Variants in RHPN1 observed in about 807,000 individuals in gnomAD.
The protein encoded by RHPN1 is rhophilin Rho GTPase binding protein 1, also known as rhophilin-1.
Under a neutral mutation model 74.7 loss-of-function variants are expected in RHPN1, and 77 were observed. That is an observed-to-expected ratio of 1.03 (90% CI 0.86 to 1.25). The LOEUF is 1.25. Among genes scored for constraint, RHPN1 ranks in the 50% most tolerant of loss-of-function variants. The pLI is 0.00. For synonymous variants in RHPN1, 444 were observed against 414.5 expected, an observed-to-expected ratio of 1.07 and a Z score of -0.87; for missense variants, 987 against 932.2, an observed-to-expected ratio of 1.06 and a Z score of -0.77.
upstream of RHPN1, chr8:143,368,525 G>A (rs574312752): frequency 1.4e-3 from 213 of 152,824 alleles, no homozygotes; most frequent in Non-Finnish European, 2.5e-3. Context: ...GGCGCGCCGA[G>A]TCCAGGTCCG....
chr8:143,377,689 A>G (rs952483269), intron 4 of RHPN1, among the ~76,000 whole-genome samples: 2 of 152,096 alleles, frequency 1.3e-5, no homozygotes, highest in African/African-American at 4.8e-5. Context: ...GATCCCATAG[A>G]GTGGGTGTGA....
rs772366178 is a variant in RHPN1 at position 143,379,838 on chromosome 8, G to A, written c.955G>A (p.Glu319Lys). 2.7e-5 allele frequency: 43 copies of A among 1,608,798 alleles called. 1 individual carries two copies. Among genetic ancestry groups the A allele is most frequent in the East Asian group, 6.7e-5 (3 of 44,816 alleles). Residue 319 changes from glutamate to lysine, a missense_variant, in exon 9 of 15, where the codon GAG becomes AAG. Glu to Lys is a moderately conservative substitution (Grantham distance 56). Coordinates refer to ENST00000289013, the MANE Select transcript of RHPN1 (RefSeq NM_052924.3). ...LAQEAAQVAA[E>K]YRLVHRTMAQ... ...CCACATCCACCGGCAGGTGGCAGCC[G>A]AGTACAGGCTAGTGCACCGGACCAT...
At chr8:143,378,600 G>GC in intron 5 of RHPN1, 96 bp from the exon 6 acceptor site, 1 of 1,449,832 alleles carries the variant, frequency 6.9e-7, no homozygotes. Context: ...TTGCCTCCCC[G>GC]CCCCCCATGG....
At chr8:143,380,816 T>C in intron 11 of RHPN1, 33 bp downstream of exon 11, 1 of 1,488,506 alleles carries the variant, frequency 6.7e-7, no homozygotes, top group Non-Finnish European at 9.0e-7. Context: ...GGTGGCTGCA[T>C]CCCTGGCCAG....
At chr8:143,372,088 G>A (rs371379044) in intron 1 of RHPN1, among the ~76,000 whole-genome samples, 1 of 152,284 alleles carries the variant, frequency 6.6e-6, no homozygotes, top group East Asian at 1.9e-4. Flanking sequence ...GGGCTCCAAG[G>A]GGCCAGGCTC....
At chr8:143,376,266 T>C (rs1238286992) in intron 2 of RHPN1, among the ~76,000 whole-genome samples, 3 of 152,204 alleles carry the variant, frequency 2.0e-5, no homozygotes, top group Non-Finnish European at 4.4e-5. Flanking sequence ...GCCGTGGTGC[T>C]GAGGGAGGTG....
chr8:143,375,960 T>G (rs1369163671), intron 2 of RHPN1, among the ~76,000 whole-genome samples: 1 of 152,210 alleles, frequency 6.6e-6, no homozygotes, highest in Non-Finnish European at 1.5e-5. Flanking sequence ...GAGGCATGGT[T>G]GAGGCTGAGC....
Position 143,375,657 on chromosome 8 carries a change from G to C in RHPN1, c.165G>C (p.Glu55Asp). ...DKELQMRTGA[E>D]NLYRATSNNR... ...AGCTGCAGATGCGGACGGGCGCTGAGAACCTCTACAGGTCAGTGCTTGAGA... is the reference window on the plus strand; with the variant it reads ...AGCTGCAGATGCGGACGGGCGCTGACAACCTCTACAGGTCAGTGCTTGAGA... Residue 55 changes from glutamate (E) to aspartate (D), a missense_variant, in exon 2 of 15, where the codon GAG becomes GAC. Glu to Asp is a conservative substitution (Grantham distance 45). Transcript: ENST00000289013. The C allele has an allele frequency of 6.2e-7, 1 of 1,607,978 alleles. No individual in the cohort carries two copies. Among genetic ancestry groups the C allele is most frequent in the Non-Finnish European group, 8.5e-7 (1 of 1,177,866 alleles).
rs760945918 is a variant in RHPN1, at chr8:143,381,984, C to T, written c.1797+16C>T. 7.1e-6 allele frequency: 11 copies of T among 1,559,396 alleles called. No homozygotes were observed. The South Asian group carries it at 8.4e-5, about 12-fold the overall frequency. ...GCCCAGCTTGGTGAGCCCCTGGGGC[C>T]CCAGAGGGGCGGTCCCCAGCTTGCT... is the stretch of plus-strand genomic sequence containing the variant. On this transcript the variant is annotated intron_variant, in intron 14 of 14. Coordinates refer to ENST00000289013, the MANE Select transcript of RHPN1 (RefSeq NM_052924.3).
Position 143,379,962 on chromosome 8 carries a change from C to G in RHPN1, c.1079C>G (p.Ala360Gly), listed in dbSNP as rs766683293. The G allele has an allele frequency of 3.6e-5, 57 of 1,572,782 alleles. No individual in the cohort carries two copies. In the African/African-American group the frequency reaches 6.9e-4, roughly 19 times the overall value. The change falls in exon 9 of 15, where the codon GCC (alanine) becomes GGC (glycine). Residue 360 changes from alanine (A) to glycine (G), a missense_variant. Ala to Gly is a moderately conservative substitution (Grantham distance 60, BLOSUM62 0). Coordinates refer to ENST00000289013, the MANE Select transcript of RHPN1 (RefSeq NM_052924.3). ...YFRSLAHYHV[A>G]MALCDGSPAT... ...CGCTCCCTGGCCCACTACCACGTAG[C>G]CATGGCCCTCTGCGACGGCTCCCGT...
At position 143,380,112 on chromosome 8, in the gene RHPN1, C is replaced by T. The variant is rs1353475182; in HGVS notation, c.1153C>T (p.Pro385Ser). The T allele has an allele frequency of 3.2e-6, 5 of 1,552,492 alleles. 1 individual carries two copies. The highest frequency in any genetic ancestry group is 2.4e-5 in the South Asian group (2 of 84,132). Residue 385 changes from proline to serine, a missense_variant, in exon 10 of 15, where the codon CCC becomes TCC. Coordinates refer to ENST00000289013, the MANE Select transcript of RHPN1 (RefSeq NM_052924.3). ...PTHEQVFLQP[P>S]TSSKPRGPVL... is the part of the protein sequence containing the mutation. ...GCACGAGCAGGTCTTCCTGCAGCCC[C>T]CCACCTCCTCTAAGCCCCGAGGCCC...
rs1220679291 is a variant in RHPN1 at position 143,379,312 on chromosome 8, C to T, written c.752-3C>T. 2 of 1,581,774 alleles carry T rather than the reference C, an allele frequency of 1.3e-6. No homozygotes were observed. The highest frequency in any genetic ancestry group is 2.7e-5 in the African/African-American group (2 of 74,272). On this transcript the variant is annotated splice_region_variant and splice_polypyrimidine_tract_variant and intron_variant, in intron 7 of 14. Coordinates refer to ENST00000289013, the MANE Select transcript of RHPN1 (RefSeq NM_052924.3). Reference sequence around the variant, plus strand: ...GCCTGTGTGAGCACCCCTCCCTCCGCAGGGGCCTTCAGCCTCCTGAGGGAG... The same window carrying T: ...GCCTGTGTGAGCACCCCTCCCTCCGTAGGGGCCTTCAGCCTCCTGAGGGAG...
intron 12 of RHPN1, 106 bp downstream of exon 12, chr8:143,381,450 C>A: frequency 6.9e-7 from 1 of 1,454,594 alleles, no homozygotes; most frequent in Non-Finnish European, 9.3e-7. Context: ...TCCAGCCCTC[C>A]CCACCCACCT....
At chr8:143,374,125 C>G in intron 1 of RHPN1, 1 of 984,958 alleles carries the variant, frequency 1.0e-6, no homozygotes. Context: ...GCAAAAAGAA[C>G]TCTCTCCAGA....
chr8:143,373,201 T>C (rs111215971), intron 1 of RHPN1, among the ~76,000 whole-genome samples: 1 of 494 alleles, frequency 2.0e-3, no homozygotes. Flanking sequence ...TTCCAGGGGA[T>C]GGTGCGGGGG....
intron 1 of RHPN1, among the ~76,000 whole-genome samples, chr8:143,369,964 G>A (rs969443079): frequency 6.6e-6 from 1 of 152,244 alleles, no homozygotes; most frequent in African/African-American, 2.4e-5. Context: ...GCTGACCGTA[G>A]CCCTCAAGGA....
rs1818907723 is a variant in RHPN1, at chr8:143,383,987, T to A, written c.*1336T>A. ...CCTGCGCTGCCACCTCCCTCGTGCT[T>A]CAGCCAAGAAAATGGGGGTGCAAGT... On this transcript the variant is annotated 3_prime_UTR_variant, in exon 15 of 15. Transcript: ENST00000289013. The A allele has an allele frequency of 6.6e-6, 1 of 152,228 alleles. No individual in the cohort carries two copies. The highest frequency in any genetic ancestry group is 1.5e-5 in the Non-Finnish European group (1 of 68,126). 9.4% of individuals were successfully genotyped at this position (152,228 alleles called of 1,614,324 possible).
At chr8:143,375,486 C>A in intron 1 of RHPN1, 67 bp from the exon 2 acceptor site, 1 of 1,120,558 alleles carries the variant, frequency 8.9e-7, no homozygotes, top group Non-Finnish European at 1.3e-6. Flanking sequence ...CTCTCAGTGG[C>A]TGGCGAGGCG....
At chr8:143,378,578 GC>G (rs1190495430) in intron 5 of RHPN1, 117 bp from the exon 6 acceptor site, 1 of 1,353,694 alleles carries the variant, frequency 7.4e-7, no homozygotes, top group African/African-American at 1.4e-5. Context: ...GCTGCCCAGG[GC>G]CCCACTGGCT....
Sources: gnomAD v4.1 joint callset for allele counts (sites outside exome capture counted in the v4.1 genomes callset) on GRCh38, gnomAD v4.1.1 for gene constraint, MANE v1.5 for transcripts, NCBI Gene and HGNC (gene_info 2026-07-23, HGNC 2026-07-21) for gene names.